SULF1: variants seen among roughly 807,000 people sequenced by gnomAD.
SULF1 encodes the protein extracellular sulfatase Sulf-1.
SULF1 carries 46 observed loss-of-function variants against 110.5 expected under a neutral mutation model. The observed-to-expected ratio is 0.42, with a 90% CI of 0.33 to 0.53. The LOEUF is 0.53. Among genes scored for constraint, SULF1 ranks in the 20% least tolerant of loss-of-function variants. SULF1 has a pLI of 0.12. For missense variants in SULF1, 941 were observed against 1,094.2 expected (o/e 0.86, Z 1.98); for synonymous variants, 371 against 387.1 (o/e 0.96, Z 0.49).
At chr8:69,598,904 C>G (rs961946086) in intron 8 of SULF1, among the ~76,000 whole-genome samples, 2 of 152,172 alleles carry the variant, frequency 1.3e-5, no homozygotes, top group Non-Finnish European at 2.9e-5. Context: ...GTAACCAGCA[C>G]CCATCCTGGT....
chr8:69,586,297 T>G, intron 6 of SULF1, 60 bp from the exon 7 acceptor site: 1 of 1,473,584 alleles, frequency 6.8e-7, no homozygotes, highest in Non-Finnish European at 9.0e-7. Flanking sequence ...TTTATACTTA[T>G]CCATTTATTT....
intron 6 of SULF1, among the ~76,000 whole-genome samples, chr8:69,576,672 C>T (rs147739742): frequency 9.2e-5 from 14 of 152,288 alleles, no homozygotes; most frequent in Middle Eastern, 3.4e-3. Context: ...TCATGCCAGT[C>T]TTTCTGAGAA....
chr8:69,643,124 G>A (rs886528467), intron 22 of SULF1, among the ~76,000 whole-genome samples: 6 of 152,194 alleles, frequency 3.9e-5, no homozygotes, highest in Non-Finnish European at 8.8e-5. Flanking sequence ...ATCTTTCAGT[G>A]GATATCCACA....
intron 3 of SULF1, among the ~76,000 whole-genome samples, chr8:69,518,820 T>C (rs1350667608): frequency 6.6e-6 from 1 of 152,216 alleles, no homozygotes; most frequent in African/African-American, 2.4e-5. Context: ...ATCTTTGTAG[T>C]CTTACTCTAC....
At chr8:69,485,366 G>A (rs963288888) in intron 1 of SULF1, among the ~76,000 whole-genome samples, 3 of 152,080 alleles carry the variant, frequency 2.0e-5, no homozygotes, top group African/African-American at 7.2e-5. Context: ...AGGGAATTTC[G>A]GGGTAAAAAC....
At chr8:69,574,095 A>G (rs955167263) in intron 5 of SULF1, among the ~76,000 whole-genome samples, 1 of 152,096 alleles carries the variant, frequency 6.6e-6, no homozygotes, top group Non-Finnish European at 1.5e-5. Context: ...TGCAACTGCA[A>G]CGCCTCTCGA....
intron 8 of SULF1, among the ~76,000 whole-genome samples, chr8:69,597,800 G>A (rs561936291): frequency 1.3e-5 from 2 of 152,308 alleles, no homozygotes; most frequent in South Asian, 4.1e-4. Context: ...AGTAGAGGAT[G>A]TTTAGGTATT....
chr8:69,494,155 C>T (rs926828513), intron 1 of SULF1, among the ~76,000 whole-genome samples: 8 of 152,050 alleles, frequency 5.3e-5, no homozygotes, highest in African/African-American at 1.9e-4. Context: ...AAAGCAAGGC[C>T]TCTCACTTTT....
upstream of SULF1, among the ~76,000 whole-genome samples, chr8:69,491,287 A>G (rs1809929655): frequency 6.6e-6 from 1 of 152,216 alleles, no homozygotes; most frequent in Admixed American, 6.5e-5. Context: ...ATTTCACCCC[A>G]TATCATAAAA....
At chr8:69,594,846 C>T (rs115750444) in intron 8 of SULF1, among the ~76,000 whole-genome samples, 212 of 152,190 alleles carry the variant, frequency 1.4e-3, no homozygotes, top group African/African-American at 4.9e-3. Flanking sequence ...TCCCTGAAGT[C>T]GAGTTGCACA....
chr8:69,467,524 G>A (rs982402518), intron 1 of SULF1, among the ~76,000 whole-genome samples: 4 of 152,170 alleles, frequency 2.6e-5, no homozygotes, highest in African/African-American at 9.7e-5. Flanking sequence ...CCACTAGGTC[G>A]GCTTTAAAAC....
intron 7 of SULF1, among the ~76,000 whole-genome samples, chr8:69,587,537 A>T (rs1240391916): frequency 2.0e-5 from 3 of 152,250 alleles, no homozygotes; most frequent in Non-Finnish European, 4.4e-5. Flanking sequence ...TGAAAGTTAA[A>T]AGTTAGCAGA....
At chr8:69,532,569 G>A (rs1469235560) in intron 3 of SULF1, among the ~76,000 whole-genome samples, 2 of 152,160 alleles carry the variant, frequency 1.3e-5, no homozygotes, top group African/African-American at 4.8e-5. Context: ...GAAAGAAGAG[G>A]ATGCATTGCA....
chr8:69,531,009 TGGGA>T (rs1392511401), intron 3 of SULF1, among the ~76,000 whole-genome samples: 1 of 152,152 alleles, frequency 6.6e-6, no homozygotes, highest in African/African-American at 2.4e-5. Context: ...TGGCATGAGG[TGGGA>T]GGCATGATGA....
chr8:69,530,521 G>A (rs1324389394), intron 3 of SULF1, among the ~76,000 whole-genome samples: 1 of 152,104 alleles, frequency 6.6e-6, no homozygotes, highest in East Asian at 1.9e-4. Context: ...ACTTGCTTTT[G>A]TTACTTGGTT....
chr8:69,638,347 GA>G (rs1811211227), intron 19 of SULF1, 154 bp from the exon 20 acceptor site: 2 of 851,936 alleles, frequency 2.3e-6, no homozygotes, highest in South Asian at 1.8e-5. Flanking sequence ...CCTACGGGGG[GA>G]AAGGTATTAT....
chr8:69,576,275 A>G (rs1805604789), intron 6 of SULF1, 66 bp downstream of exon 6: 2 of 1,523,792 alleles, frequency 1.3e-6, no homozygotes, highest in Non-Finnish European at 1.8e-6. Flanking sequence ...AAGAAGTGTC[A>G]TGTAATGAAA....
intron 7 of SULF1, among the ~76,000 whole-genome samples, chr8:69,588,681 A>G (rs1479484728): frequency 6.6e-6 from 1 of 152,140 alleles, no homozygotes; most frequent in East Asian, 1.9e-4. Context: ...CAGATTAATC[A>G]TTATCTTGGG....
At chr8:69,489,025 G>A (rs1402535409), upstream of SULF1, among the ~76,000 whole-genome samples, 5 of 152,274 alleles carry the variant, frequency 3.3e-5, no homozygotes, top group East Asian at 7.7e-4. Flanking sequence ...CCAGGTGGGC[G>A]TCCTTTCTTG....
Sources: gnomAD v4.1 joint callset for allele counts (sites outside exome capture counted in the v4.1 genomes callset) on GRCh38, gnomAD v4.1.1 for gene constraint, MANE v1.5 for transcripts, NCBI Gene and HGNC (gene_info 2026-07-23, HGNC 2026-07-21) for gene names.